Variants in MOBP observed in about 807,000 individuals in gnomAD.
The protein encoded by MOBP is myelin-associated oligodendrocyte basic protein.
In MOBP, 5 loss-of-function variants were observed where a neutral mutation model predicts 15.0. The observed-to-expected ratio is 0.33, with a 90% CI of 0.17 to 0.70. MOBP has a LOEUF of 0.70. Among genes scored for constraint, MOBP ranks in the 30% least tolerant of loss-of-function variants. The pLI, the probability that MOBP is intolerant of heterozygous loss-of-function variation, is 0.67. For missense variants in MOBP, 188 were observed against 257.8 expected (o/e 0.73, Z 1.85); for synonymous variants, 88 against 99.0 (o/e 0.89, Z 0.66).
intron 3 of MOBP, among the ~76,000 whole-genome samples, chr3:39,523,185 C>A (rs891634379): frequency 3.3e-5 from 5 of 152,196 alleles, no homozygotes; most frequent in African/African-American, 1.2e-4. Context: ...ATCAACTAAT[C>A]AAAAATCCTT....
At chr3:39,480,196 T>G (rs139297704) in intron 2 of MOBP, 73 bp downstream of exon 2, 1 of 152,318 alleles carries the variant, frequency 6.6e-6, no homozygotes, top group East Asian at 1.9e-4. Context: ...GTATTCAGAA[T>G]GTCACAATAG....
At chr3:39,509,954 A>C (rs1384566920) in intron 4 of MOBP, among the ~76,000 whole-genome samples, 1 of 152,070 alleles carries the variant, frequency 6.6e-6, no homozygotes, top group African/African-American at 2.4e-5. Context: ...TCTAGGTTTT[A>C]CTTTTACAGT....
Position 39,502,720 on chromosome 3 carries a change from C to T in MOBP, c.392C>T (p.Pro131Leu). Residue 131 changes from proline to leucine, a missense_variant, in exon 4 of 4, where the codon CCG becomes CTG. Physicochemically the swap from Pro to Leu is moderately conservative, Grantham distance 98. Around this residue, in one of 2 missense-constraint regions of MOBP, gnomAD observed 133 missense variants for 212.5 expected, o/e 0.63. Transcript: ENST00000684792. This position sits in a 1 kb window ranked among gnomAD's most constrained non-coding sequence, Gnocchi z 6.3. ...TCTGAGCGTCAGCCACGGTCCCCTC[C>T]GAGGTCTGAGCGTCAGCCACGTCCC... The part of the protein sequence containing the change: ...PRSERQPRSP[P>L]RSERQPRPRP... 6.5e-7 allele frequency: 1 copy of T among 1,535,208 alleles called. No individual in the cohort carries two copies. The highest frequency in any genetic ancestry group is 8.7e-7 in the Non-Finnish European group (1 of 1,146,504).
At chr3:39,520,575 TGAGAGA>T (rs10532496), downstream of MOBP, among the ~76,000 whole-genome samples, 3 of 147,408 alleles carry the variant, frequency 2.0e-5, no homozygotes, top group African/African-American at 5.1e-5. Flanking sequence ...TGTGTGTGTA[TGAGAGA>T]GAGAGAGAGA....
At chr3:39,510,253 G>C (rs1178617315) in intron 4 of MOBP, among the ~76,000 whole-genome samples, 1 of 152,000 alleles carries the variant, frequency 6.6e-6, no homozygotes, top group African/African-American at 2.4e-5. Context: ...AAATCAGTTA[G>C]TGTGAATTCT....
At chr3:39,526,352 C>G (rs1204100552), downstream of MOBP, 1 of 152,176 alleles carries the variant, frequency 6.6e-6, no homozygotes, top group Non-Finnish European at 1.5e-5. Context: ...ATAAAACCTT[C>G]TGGGGATGAA....
At chr3:39,521,296 CT>C (rs2043263148) in intron 3 of MOBP, among the ~76,000 whole-genome samples, 1 of 152,148 alleles carries the variant, frequency 6.6e-6, no homozygotes, top group Non-Finnish European at 1.5e-5. Context: ...TAGGATAGAA[CT>C]AATTTAGAAC....
At chr3:39,512,375 G>A (rs1186941517) in intron 4 of MOBP, among the ~76,000 whole-genome samples, 2 of 152,182 alleles carry the variant, frequency 1.3e-5, no homozygotes, top group Admixed American at 1.3e-4. Context: ...GCTGCCACAT[G>A]TCTGGAGGTC....
At position 39,488,142 on chromosome 3, in the gene MOBP, A is replaced by G. The variant is rs190821845; in HGVS notation, c.-5+8019A>G. Among the ~76,000 whole-genome samples, 5 of 152,172 alleles carry G rather than the reference A, an allele frequency of 3.3e-5. No homozygotes were observed. In the East Asian group the frequency reaches 9.7e-4, roughly 30 times the overall value. On this transcript the variant is annotated intron_variant, in intron 2 of 3. Transcript: ENST00000684792. ...ATTGTGAATAAAATTTTTTTCAGTA[A>G]TTATTTTTTTCCATACTCCCTCTCT...
In MOBP at chr3:39,502,440, A is replaced by G; in HGVS notation, c.207-95A>G. ...GAGACTGGAAGGTGGGTGGGGGAGC[A>G]GGGCCTTCCTACCTGTTTCCAGCTC... On this transcript the variant is annotated intron_variant, in intron 3 of 3. Transcript: ENST00000684792. The surrounding 1 kb of genome is among the most constrained non-coding windows in gnomAD (Gnocchi z 6.3). The G allele has an allele frequency of 6.6e-7, 1 of 1,525,068 alleles. No individual in the cohort carries two copies. Among genetic ancestry groups the G allele is most frequent in the Non-Finnish European group, 8.8e-7 (1 of 1,141,366 alleles). 94.5% of individuals were successfully genotyped at this position (1,525,068 alleles called of 1,614,324 possible).
intron 4 of MOBP, among the ~76,000 whole-genome samples, chr3:39,511,360 A>G (rs2043116678): frequency 6.6e-6 from 1 of 152,212 alleles, no homozygotes; most frequent in South Asian, 2.1e-4. Context: ...CTATTCAGCT[A>G]TGTGGGCAGT....
intron 2 of MOBP, among the ~76,000 whole-genome samples, chr3:39,487,988 C>T (rs754175318): frequency 1.6e-4 from 25 of 152,088 alleles, no homozygotes; most frequent in Admixed American, 1.2e-3. Context: ...TCTATCTATG[C>T]ACAATTTTTC....
In MOBP at chr3:39,502,850, G is replaced by A. The variant is rs1029718564; in HGVS notation, c.522G>A (p.Gly174=). The A allele has an allele frequency of 4.6e-5, 68 of 1,465,022 alleles. No individual in the cohort carries two copies. The highest frequency in any genetic ancestry group is 1.4e-5 in the African/African-American group (1 of 71,286). The allele number at this position is 1,465,022 out of a possible 1,614,324, so 90.8% of individuals were successfully genotyped here. A position where few individuals can be genotyped will look rare whatever the true frequency, so the allele number is the denominator to read the frequency against. ...PLRGPGASRG[G]SPVKASRFW ...GAGGGCCAGGCGCCAGCCGTGGGGG[G>A]TCCCCCGTCAAAGCTTCTAGGTTCT... The change falls in exon 4 of 4, where the codon GGG becomes GGA. Residue 174 remains glycine (G), a synonymous_variant. Coordinates refer to ENST00000684792, the MANE Select transcript of MOBP (RefSeq NM_001393704.1). The surrounding 1 kb of genome is among the most constrained non-coding windows in gnomAD (Gnocchi z 6.3).
chr3:39,489,790 G>A (rs1462653408), intron 2 of MOBP, among the ~76,000 whole-genome samples: 3 of 152,128 alleles, frequency 2.0e-5, no homozygotes, highest in Non-Finnish European at 4.4e-5. Context: ...CTGCCACATT[G>A]ACGGTTAACT....
At chr3:39,526,773 C>CTTTTTTTTTTTTTTTTTTTT, downstream of MOBP, 1 of 108,950 alleles carries the variant, frequency 9.2e-6, no homozygotes, top group Non-Finnish European at 1.7e-5. Context: ...TCCTTCCTTC[C>CTTTTTTTTTTTTTTTTTTTT]TTTTTTTTTT....
At chr3:39,469,788 A>G (rs72869124) in intron 1 of MOBP, among the ~76,000 whole-genome samples, 19,491 of 152,212 alleles carry the variant, frequency 0.13, 1,400 homozygotes, top group Middle Eastern at 0.19. Context: ...TTTACCTAAT[A>G]GTTACTAGGA....
downstream of MOBP, among the ~76,000 whole-genome samples, chr3:39,505,158 A>G (rs1307305405): frequency 6.6e-6 from 1 of 152,188 alleles, no homozygotes; most frequent in African/African-American, 2.4e-5. Context: ...TTTGGGTTTA[A>G]CAGGTATGTC....
chr3:39,517,196 T>C (rs1224878724), downstream of MOBP, among the ~76,000 whole-genome samples: 1 of 152,200 alleles, frequency 6.6e-6, no homozygotes, highest in East Asian at 1.9e-4. Flanking sequence ...GGTATACACT[T>C]GCAGGGATGG....
intron 4 of MOBP, among the ~76,000 whole-genome samples, chr3:39,511,657 A>G (rs1421545445): frequency 6.6e-6 from 1 of 152,160 alleles, no homozygotes; most frequent in Non-Finnish European, 1.5e-5. Flanking sequence ...TAATTTGGAC[A>G]TCTTTGCTGA....
Sources: gnomAD v4.1 joint callset for allele counts (sites outside exome capture counted in the v4.1 genomes callset) on GRCh38, gnomAD v4.1.1 for gene constraint, gnomAD v4.1.1 regional missense constraint, Gnocchi (gnomAD v3.1) non-coding constraint, MANE v1.5 for transcripts, NCBI Gene and HGNC (gene_info 2026-07-23, HGNC 2026-07-21) for gene names.